WWOX: variants seen among roughly 807,000 people sequenced by gnomAD.
The protein encoded by WWOX is WW domain containing oxidoreductase.
WWOX carries 69 observed loss-of-function variants against 46.2 expected under a neutral mutation model. That is an observed-to-expected ratio of 1.49 (90% CI 1.23 to 1.82). The LOEUF (loss-of-function observed/expected upper bound fraction) is 1.82. WWOX is among the 40% of genes most tolerant of loss of function. The probability of loss-of-function intolerance (pLI) is 0.00; values close to 1 mark genes in which losing one functional copy is unlikely to be tolerated. For missense variants in WWOX, 919 were observed against 542.6 expected (o/e 1.69, Z -6.89); for synonymous variants, 359 against 202.6 (o/e 1.77, Z -6.56).
intron 8 of WWOX, among the ~76,000 whole-genome samples, chr16:79,158,207 T>A (rs914151081): frequency 6.6e-6 from 1 of 152,014 alleles, no homozygotes; most frequent in African/African-American, 2.4e-5. Flanking sequence ...GAGCAAAAAA[T>A]TGGCCGGGAA....
intron 8 of WWOX, among the ~76,000 whole-genome samples, chr16:79,040,295 G>C (rs1323452075): frequency 1.7e-5 from 2 of 118,638 alleles, no homozygotes; most frequent in African/African-American, 3.2e-5. Flanking sequence ...TTTTTTTTGA[G>C]ACAAGGTCTC....
chr16:78,120,075 AT>A (rs775404087), intron 4 of WWOX, among the ~76,000 whole-genome samples: 1 of 152,146 alleles, frequency 6.6e-6, no homozygotes, highest in African/African-American at 2.4e-5. Flanking sequence ...ACACTGGTAA[AT>A]ACCAGTGAAA....
intron 8 of WWOX, among the ~76,000 whole-genome samples, chr16:78,810,935 G>A (rs1276918822): frequency 6.6e-6 from 1 of 150,528 alleles, no homozygotes; most frequent in Non-Finnish European, 1.5e-5. Context: ...AGAAAATACT[G>A]CAGGCAGAGC....
chr16:79,108,877 C>G (rs557339405), intron 8 of WWOX, among the ~76,000 whole-genome samples: 1 of 151,516 alleles, frequency 6.6e-6, no homozygotes, highest in Non-Finnish European at 1.5e-5. Flanking sequence ...CTCCAGCATA[C>G]GTGACAGAGC....
rs534314452 is a variant in WWOX, at chr16:78,367,918, C to T, written c.517-18942C>T. 9.9e-5 allele frequency among the ~76,000 whole-genome samples: 15 copies of T among 152,090 alleles called. No individual in the cohort carries two copies. The South Asian group carries it at 1.2e-3, about 13-fold the overall frequency. Reference sequence around the variant, plus strand: ...ATTACAGGTGCGTGACACCACACCCCGCTAATTTTTGTATTTTTAGTGGAG... The same window carrying T: ...ATTACAGGTGCGTGACACCACACCCTGCTAATTTTTGTATTTTTAGTGGAG... On this transcript the variant is annotated intron_variant, in intron 5 of 8. Transcript: ENST00000566780.
At chr16:78,354,225 A>G (rs1371785721) in intron 5 of WWOX, among the ~76,000 whole-genome samples, 1 of 118,434 alleles carries the variant, frequency 8.4e-6, no homozygotes, top group Non-Finnish European at 1.8e-5. Context: ...TGCCCACCCC[A>G]GCACCCCCCC....
intron 8 of WWOX, among the ~76,000 whole-genome samples, chr16:78,872,217 C>T (rs1044349854): frequency 6.6e-6 from 1 of 152,296 alleles, no homozygotes; most frequent in South Asian, 2.1e-4. Context: ...ATTCAAATCC[C>T]AGCTCTGCTA....
chr16:78,822,920 A>G (rs918348658), intron 8 of WWOX, among the ~76,000 whole-genome samples: 1 of 152,184 alleles, frequency 6.6e-6, no homozygotes, highest in Non-Finnish European at 1.5e-5. Flanking sequence ...GATAAAGCCA[A>G]AAAACTAAAA....
intron 8 of WWOX, among the ~76,000 whole-genome samples, chr16:79,003,706 C>T (rs564950958): frequency 4.6e-5 from 7 of 152,272 alleles, no homozygotes; most frequent in African/African-American, 1.4e-4. Flanking sequence ...GCACCGTGGT[C>T]TCAGGGTGAT....
At chr16:78,793,113 C>G (rs866051820) in intron 8 of WWOX, among the ~76,000 whole-genome samples, 1 of 152,194 alleles carries the variant, frequency 6.6e-6, no homozygotes, top group South Asian at 2.1e-4. Context: ...CACTCTGTTG[C>G]TCAGGCTGGA....
At chr16:79,038,983 C>T (rs1391406846) in intron 8 of WWOX, among the ~76,000 whole-genome samples, 3 of 151,970 alleles carry the variant, frequency 2.0e-5, no homozygotes, top group Admixed American at 1.3e-4. Context: ...TTTTTCAAAG[C>T]TAATGTCTGC....
chr16:78,586,110 A>G (rs2045199769), intron 8 of WWOX, among the ~76,000 whole-genome samples: 1 of 151,988 alleles, frequency 6.6e-6, no homozygotes, highest in Admixed American at 6.6e-5. Flanking sequence ...TAATCCCAAC[A>G]CTTTGGGAGG....
intron 8 of WWOX, among the ~76,000 whole-genome samples, chr16:78,773,359 T>C (rs7206356): frequency 2.5e-3 from 375 of 152,176 alleles, no homozygotes; most frequent in African/African-American, 8.6e-3. Context: ...TTCAGCTGTT[T>C]CCTAGCTTGG....
At chr16:78,609,518 G>T (rs1173272711) in intron 8 of WWOX, among the ~76,000 whole-genome samples, 2 of 146,644 alleles carry the variant, frequency 1.4e-5, no homozygotes, top group Non-Finnish European at 3.0e-5. Flanking sequence ...TGCCTCTGAG[G>T]TTTTTTTTTT....
At chr16:79,037,342 T>C (rs1017241667) in intron 8 of WWOX, among the ~76,000 whole-genome samples, 4 of 152,168 alleles carry the variant, frequency 2.6e-5, no homozygotes, top group African/African-American at 9.7e-5. Flanking sequence ...CTCAAGTCTT[T>C]TTGTAGAGAG....
At chr16:78,944,184 A>G (rs1360098869) in intron 8 of WWOX, among the ~76,000 whole-genome samples, 2 of 152,130 alleles carry the variant, frequency 1.3e-5, no homozygotes, top group Non-Finnish European at 2.9e-5. Context: ...GACTCAGCAC[A>G]ACACATCCCA....
At chr16:78,120,046 A>G (rs192152678) in intron 4 of WWOX, among the ~76,000 whole-genome samples, 2 of 152,230 alleles carry the variant, frequency 1.3e-5, no homozygotes, top group East Asian at 3.9e-4. Context: ...TTTTTCCTGC[A>G]AACAAATACA....
chr16:78,950,772 G>C (rs1292799298), intron 8 of WWOX, among the ~76,000 whole-genome samples: 2 of 152,090 alleles, frequency 1.3e-5, no homozygotes, highest in Admixed American at 1.3e-4. Flanking sequence ...ATGATCTACT[G>C]GCATCATGCC....
At chr16:78,454,377 TGTG>T (rs747007354) in intron 8 of WWOX, among the ~76,000 whole-genome samples, 27 of 151,046 alleles carry the variant, frequency 1.8e-4, no homozygotes, top group Non-Finnish European at 3.5e-4. Context: ...TGTGTGTGTG[TGTG>T]TATTATATGC....
Sources: allele counts gnomAD v4.1 joint callset (sites outside exome capture counted in the v4.1 genomes callset), GRCh38; gene constraint gnomAD v4.1.1; transcripts MANE v1.5; gene names NCBI Gene and HGNC (gene_info 2026-07-23, HGNC 2026-07-21).